TCF7L1: variants seen among roughly 807,000 people sequenced by gnomAD.
TCF7L1 encodes the protein transcription factor 7-like 1.
TCF7L1 carries 18 observed loss-of-function variants against 63.7 expected under a neutral mutation model. The ratio of observed to expected loss-of-function variants is 0.28; its 90% CI spans 0.20 to 0.42. TCF7L1 has a LOEUF of 0.42. TCF7L1 is among the 10% of genes least tolerant of loss of function. The pLI is 1.00. For missense variants in TCF7L1, 654 were observed against 779.3 expected, an observed-to-expected ratio of 0.84 and a Z score of 1.91; for synonymous variants, 355 against 340.9, an observed-to-expected ratio of 1.04 and a Z score of -0.46.
chr2:85,286,363 C>A (rs28474865), intron 4 of TCF7L1, among the ~76,000 whole-genome samples: 35,637 of 149,688 alleles, frequency 0.24, 7,309 homozygotes, highest in African/African-American at 0.56. Context: ...ACTCAAAAAA[C>A]AAACAAACAA....
intron 3 of TCF7L1, among the ~76,000 whole-genome samples, chr2:85,233,226 A>G (rs1312002710): frequency 6.6e-6 from 1 of 151,472 alleles, no homozygotes; most frequent in Non-Finnish European, 1.5e-5. Context: ...GAGCCCCCAC[A>G]CCCATCCTGG....
rs569889009 is a variant in TCF7L1, at chr2:85,215,390, A to G, written c.442-68105A>G. ...AGGGAGCCACATACCCTCGCCAGTGATGTACCTCTACAATGGCTTCAACAA... is the reference window on the plus strand; with the variant it reads ...AGGGAGCCACATACCCTCGCCAGTGGTGTACCTCTACAATGGCTTCAACAA... On this transcript the variant is annotated intron_variant, in intron 3 of 11. Coordinates refer to ENST00000282111, the MANE Select transcript of TCF7L1 (RefSeq NM_031283.3). Among the ~76,000 whole-genome samples the G allele has an allele frequency of 7.9e-5, 12 of 152,328 alleles. No individual in the cohort carries two copies. The Middle Eastern group carries it at 0.01, about 130-fold the overall frequency.
intron 3 of TCF7L1, among the ~76,000 whole-genome samples, chr2:85,200,989 T>C (rs1052057121): frequency 1.3e-5 from 2 of 152,064 alleles, no homozygotes; most frequent in African/African-American, 4.8e-5. Context: ...TTACCTGAGG[T>C]CGGGAGTTCA....
At chr2:85,240,007 A>G (rs1680287368) in intron 3 of TCF7L1, among the ~76,000 whole-genome samples, 1 of 152,158 alleles carries the variant, frequency 6.6e-6, no homozygotes, top group South Asian at 2.1e-4. Context: ...ATTAATTTTA[A>G]TAGTATATCT....
intron 3 of TCF7L1, among the ~76,000 whole-genome samples, chr2:85,259,766 A>AT (rs147494534): frequency 0.019 from 2,850 of 152,212 alleles, 43 homozygotes; most frequent in Admixed American, 0.027. Flanking sequence ...GGCTTGATTC[A>AT]TTTTTTTCTG....
intron 3 of TCF7L1, among the ~76,000 whole-genome samples, chr2:85,207,162 G>T (rs1035945595): frequency 2.6e-5 from 4 of 152,186 alleles, no homozygotes; most frequent in Admixed American, 6.5e-5. Flanking sequence ...TTTTAAGTTT[G>T]TTCATCCCTT....
In TCF7L1 at chr2:85,208,056, G is replaced by A. The variant is rs368229835; in HGVS notation, c.441+73606G>A. On this transcript the variant is annotated intron_variant, in intron 3 of 11. Transcript: ENST00000282111. ...TGAGTAGCTGGGACTACAGGCGCCC[G>A]CCACCACACATGGCCAATTTTTTGT... is the stretch of plus-strand genomic sequence containing the variant. Among the ~76,000 whole-genome samples the A allele has an allele frequency of 1.1e-4, 16 of 152,104 alleles. No individual in the cohort carries two copies. In the East Asian group the frequency reaches 1.2e-3, roughly 11 times the overall value.
intron 3 of TCF7L1, among the ~76,000 whole-genome samples, chr2:85,246,903 T>C (rs1178337334): frequency 6.6e-6 from 1 of 152,216 alleles, no homozygotes; most frequent in Non-Finnish European, 1.5e-5. Flanking sequence ...GATGTCACCA[T>C]AGGTCCTGGC....
chr2:85,246,778 C>G (rs1289017878), intron 3 of TCF7L1, among the ~76,000 whole-genome samples: 1 of 152,116 alleles, frequency 6.6e-6, no homozygotes, highest in Non-Finnish European at 1.5e-5. Context: ...TTTTTCTTAT[C>G]TCATGAAATC....
chr2:85,307,528 G>A, intron 10 of TCF7L1, 114 bp from the exon 11 acceptor site: 1 of 819,068 alleles, frequency 1.2e-6, no homozygotes, highest in Admixed American at 2.1e-5. Context: ...CACTCTCCCT[G>A]AGGGATCGAG....
chr2:85,227,954 T>A (rs1679993274), intron 3 of TCF7L1, among the ~76,000 whole-genome samples: 1 of 135,336 alleles, frequency 7.4e-6, no homozygotes, highest in South Asian at 2.3e-4. Context: ...ATCTCCCTAC[T>A]GCACTCCAGC....
At chr2:85,272,429 A>G (rs1213024809) in intron 3 of TCF7L1, among the ~76,000 whole-genome samples, 1 of 152,228 alleles carries the variant, frequency 6.6e-6, no homozygotes, top group Non-Finnish European at 1.5e-5. Context: ...CATTTGGGTG[A>G]CTATGCTTCC....
At chr2:85,280,583 T>A (rs567865719) in intron 3 of TCF7L1, among the ~76,000 whole-genome samples, 2 of 152,186 alleles carry the variant, frequency 1.3e-5, no homozygotes, top group Non-Finnish European at 2.9e-5. Flanking sequence ...GATTTTTAGG[T>A]ACCCATCTAT....
intron 3 of TCF7L1, among the ~76,000 whole-genome samples, chr2:85,241,437 G>GTTTTTTTTT (rs772334481): frequency 2.5e-4 from 21 of 83,072 alleles, no homozygotes; most frequent in South Asian, 5.0e-4. Flanking sequence ...CTTTGTTTTT[G>GTTTTTTTTT]TTTTTTTTTT....
At chr2:85,234,293 G>A (rs758243984) in intron 3 of TCF7L1, among the ~76,000 whole-genome samples, 16 of 151,622 alleles carry the variant, frequency 1.1e-4, no homozygotes, top group Admixed American at 6.6e-4. Flanking sequence ...CTGCCAACAC[G>A]CTCAGCTAAT....
chr2:85,245,344 G>A (rs896151070), intron 3 of TCF7L1, among the ~76,000 whole-genome samples: 5 of 152,172 alleles, frequency 3.3e-5, no homozygotes, highest in African/African-American at 1.2e-4. Context: ...CTTGGATGGA[G>A]GGCCGAAGGC....
chr2:85,307,825 T>A, intron 11 of TCF7L1, 108 bp downstream of exon 11: 1 of 1,029,078 alleles, frequency 9.7e-7, no homozygotes, highest in South Asian at 1.4e-5. Flanking sequence ...GCCTCGGTAT[T>A]CGCGGGCGGG....
intron 4 of TCF7L1, among the ~76,000 whole-genome samples, chr2:85,287,084 C>T (rs1681579252): frequency 6.6e-6 from 1 of 152,088 alleles, no homozygotes; most frequent in South Asian, 2.1e-4. Context: ...TATTGTTTAC[C>T]GCCTGACTTC....
chr2:85,191,640 C>T (rs771259937), intron 3 of TCF7L1, among the ~76,000 whole-genome samples: 4 of 152,060 alleles, frequency 2.6e-5, no homozygotes, highest in African/African-American at 4.8e-5. Flanking sequence ...GCCTGATCAA[C>T]GTGGTGAAAC....
Sources: allele counts gnomAD v4.1 joint callset (sites outside exome capture counted in the v4.1 genomes callset), GRCh38; gene constraint gnomAD v4.1.1; transcripts MANE v1.5; gene names NCBI Gene and HGNC (gene_info 2026-07-23, HGNC 2026-07-21).